Variants in WDFY3 observed in about 807,000 individuals in gnomAD.
WDFY3 encodes WD repeat and FYVE domain containing 3, also known as WD repeat and FYVE domain-containing protein 3.
Under a neutral mutation model 409.6 loss-of-function variants are expected in WDFY3, and 66 were observed. That is an observed-to-expected ratio of 0.16 (90% CI 0.13 to 0.20). The LOEUF is 0.20. Among genes scored for constraint, WDFY3 ranks in the 10% least tolerant of loss-of-function variants. The pLI is 1.00. For synonymous variants in WDFY3, 1,521 were observed against 1,537.1 expected (o/e 0.99, Z 0.25); for missense variants, 3,031 against 4,298.1 (o/e 0.71, Z 8.24).
chr4:84,740,493 T>G (rs1350144423), intron 38 of WDFY3, 77 bp from the exon 39 acceptor site: 27 of 1,356,036 alleles, frequency 2.0e-5, no homozygotes, highest in Non-Finnish European at 2.8e-5. Flanking sequence ...CATGAACTTT[T>G]ATTAGGTCTA....
chr4:84,952,018 T>C (rs1228963231), intron 1 of WDFY3, among the ~76,000 whole-genome samples: 1 of 152,114 alleles, frequency 6.6e-6, no homozygotes, highest in African/African-American at 2.4e-5. Context: ...GACACAATAC[T>C]CTTTTCCAAG....
At chr4:84,927,436 A>C (rs1367126206) in intron 2 of WDFY3, among the ~76,000 whole-genome samples, 4 of 152,184 alleles carry the variant, frequency 2.6e-5, no homozygotes, top group Non-Finnish European at 5.9e-5. Context: ...AGAATTACAG[A>C]AAGAACCCAT....
chr4:84,932,413 CAT>C (rs1238607818), intron 1 of WDFY3, 50 bp from the exon 2 acceptor site: 2 of 152,176 alleles, frequency 1.3e-5, no homozygotes, highest in East Asian at 3.9e-4. Context: ...GAATATACAT[CAT>C]GAGTCATTCA....
rs376071148 is a variant in WDFY3 at position 84,789,707 on chromosome 4, C to G, written c.3669+19G>C. On this transcript the variant is annotated intron_variant, in intron 22 of 67. Coordinates refer to ENST00000295888, the MANE Select transcript of WDFY3 (RefSeq NM_014991.6). ...CTACCTTATAAAACAGGTAGATTTACAAGTGCACATACACTTACCTTTACA... is the reference window on the plus strand; with the variant it reads ...CTACCTTATAAAACAGGTAGATTTAGAAGTGCACATACACTTACCTTTACA... The G allele has an allele frequency of 1.2e-6, 2 of 1,609,138 alleles. No homozygotes were observed. The highest frequency in any genetic ancestry group is 1.7e-6 in the Non-Finnish European group (2 of 1,176,800).
At chr4:84,951,545 T>C (rs1773611384) in intron 1 of WDFY3, among the ~76,000 whole-genome samples, 1 of 152,230 alleles carries the variant, frequency 6.6e-6, no homozygotes, top group African/African-American at 2.4e-5. Context: ...TTCTGCTACT[T>C]AGAAGTATGA....
At chr4:84,735,239 G>A in intron 42 of WDFY3, 119 bp from the exon 43 acceptor site, 1 of 902,982 alleles carries the variant, frequency 1.1e-6, no homozygotes, top group Non-Finnish European at 1.7e-6. Context: ...CACCAAAACA[G>A]AAAACTAAAA....
At chr4:84,872,396 C>G (rs1157100162) in intron 3 of WDFY3, among the ~76,000 whole-genome samples, 1 of 150,750 alleles carries the variant, frequency 6.6e-6, no homozygotes, top group Non-Finnish European at 1.5e-5. Flanking sequence ...ACCCTGGAGG[C>G]AGAGGTTGCA....
At chr4:84,864,885 T>C (rs192165576) in intron 3 of WDFY3, among the ~76,000 whole-genome samples, 2 of 151,306 alleles carry the variant, frequency 1.3e-5, no homozygotes, top group African/African-American at 4.9e-5. Context: ...CTGAAATACA[T>C]AAATCTTTTT....
rs192388782 is a variant in WDFY3 at position 84,697,667 on chromosome 4, T to C, written c.8597-844A>G. ...TTCTTTTTGAAATATACCAAAAAAGTCACTTTAGCTTACAGAGTTTTTATA... is the reference window on the plus strand; with the variant it reads ...TTCTTTTTGAAATATACCAAAAAAGCCACTTTAGCTTACAGAGTTTTTATA... On this transcript the variant is annotated intron_variant, in intron 56 of 67. Coordinates refer to ENST00000295888, the MANE Select transcript of WDFY3 (RefSeq NM_014991.6). Among the ~76,000 whole-genome samples the C allele has an allele frequency of 1.7e-3, 253 of 152,294 alleles. 2 individuals are homozygous for C. The highest frequency in any genetic ancestry group is 5.9e-3 in the African/African-American group (245 of 41,558).
Position 84,691,626 on chromosome 4 carries a change from C to A in WDFY3, c.9204+5G>T. The A allele has an allele frequency of 6.2e-7, 1 of 1,612,852 alleles. No individual in the cohort carries two copies. Among genetic ancestry groups the A allele is most frequent in the Non-Finnish European group, 8.5e-7 (1 of 1,179,314 alleles). ...TTAAATGAGTAGGCAGGAAATAATG[C>A]AAACCTTGTCTGACTCATAGGTTCC... is the stretch of plus-strand genomic sequence containing the variant. On this transcript the variant is annotated splice_donor_5th_base_variant and intron_variant, in intron 60 of 67. Coordinates refer to ENST00000295888, the MANE Select transcript of WDFY3 (RefSeq NM_014991.6).
In WDFY3 at chr4:84,806,972, T is replaced by C. The variant is rs192903204; in HGVS notation, c.2429+1362A>G. On this transcript the variant is annotated intron_variant, in intron 15 of 67. Transcript: ENST00000295888. ...TTTTTATTTTGTGGCATTTGGTTAA[T>C]ACTTAAAAAGGACTAAATGTTTTTA... 9.8e-5 allele frequency among the ~76,000 whole-genome samples: 15 copies of C among 152,318 alleles called. 1 individual carries two copies. Among genetic ancestry groups the C allele is most frequent in the Admixed American group, 9.8e-4 (15 of 15,304 alleles).
intron 1 of WDFY3, among the ~76,000 whole-genome samples, chr4:84,957,233 AACAGAT>A (rs1774345534): frequency 6.6e-6 from 1 of 151,354 alleles, no homozygotes; most frequent in Non-Finnish European, 1.5e-5. Flanking sequence ...TAAGTGGGCT[AACAGAT>A]ACAAAGTATT....
intron 3 of WDFY3, among the ~76,000 whole-genome samples, chr4:84,894,266 C>T (rs1198798425): frequency 6.6e-6 from 1 of 152,148 alleles, no homozygotes; most frequent in Non-Finnish European, 1.5e-5. Flanking sequence ...TAAAAGCTTA[C>T]TCTGTTTTCT....
intron 36 of WDFY3, among the ~76,000 whole-genome samples, chr4:84,747,235 C>T (rs143024018): frequency 1.3e-3 from 202 of 152,318 alleles, no homozygotes; most frequent in African/African-American, 4.6e-3. Context: ...CCAGACAGCC[C>T]TTACGCATCT....
chr4:84,788,334 T>C (rs1335583766), intron 22 of WDFY3, among the ~76,000 whole-genome samples: 3 of 152,190 alleles, frequency 2.0e-5, no homozygotes, highest in African/African-American at 4.8e-5. Flanking sequence ...GTGATGTTAA[T>C]AGCACAATTG....
chr4:84,702,446 C>A lies in WDFY3; in HGVS notation c.8503G>T (p.Ala2835Ser), dbSNP rs2148936177. The A allele has an allele frequency of 6.2e-7, 1 of 1,613,964 alleles. No individual in the cohort carries two copies. Among genetic ancestry groups the A allele is most frequent in the South Asian group, 1.1e-5 (1 of 91,048 alleles). Residue 2835 changes from alanine to serine, a missense_variant, in exon 56 of 68, where the codon GCG (alanine) becomes TCG (serine). Ala to Ser is a moderately conservative substitution (Grantham distance 99). Coordinates refer to ENST00000295888, the MANE Select transcript of WDFY3 (RefSeq NM_014991.6). The part of the protein sequence containing the change: ...FHSVREAWYS[A>S]SKHNMADVKE... ...ACATCTGCCATATTGTGCTTTGACG[C>A]TGAATACCAGGCCTCGCGCACACTG...
At position 84,907,761 on chromosome 4, in the gene WDFY3, C is replaced by T. The variant is rs1432389734; in HGVS notation, c.-131-10751G>A. On this transcript the variant is annotated intron_variant, in intron 2 of 67. Transcript: ENST00000295888. ...ACTATGGCCCAGTCACTGTACCAGG[C>T]CCTACAGACACAGGGAAAAAATAAG... 2.6e-5 allele frequency among the ~76,000 whole-genome samples: 4 copies of T among 152,062 alleles called. No individual in the cohort carries two copies. In the East Asian group the frequency reaches 7.7e-4, roughly 29 times the overall value.
chr4:84,859,665 T>C (rs1046790502), intron 4 of WDFY3, among the ~76,000 whole-genome samples: 2 of 152,208 alleles, frequency 1.3e-5, no homozygotes, highest in African/African-American at 4.8e-5. Context: ...AACCTTCGCC[T>C]CTCGGGTTCA....
rs369817911 is a variant in WDFY3, at chr4:84,941,033, C to T, written c.-225-8670G>A. 9.2e-5 allele frequency among the ~76,000 whole-genome samples: 14 copies of T among 152,036 alleles called. No individual in the cohort carries two copies. In the South Asian group the frequency reaches 2.7e-3, roughly 29 times the overall value. On this transcript the variant is annotated intron_variant, in intron 1 of 67. Transcript: ENST00000295888. ...GAAACTTACTCAACCTGATAAACAG[C>T]CTCTTTAAAACAGATATAGCTAACA...
Sources: allele counts gnomAD v4.1 joint callset (sites outside exome capture counted in the v4.1 genomes callset), GRCh38; gene constraint gnomAD v4.1.1; transcripts MANE v1.5; gene names NCBI Gene and HGNC (gene_info 2026-07-23, HGNC 2026-07-21).